The following SHISA2 variants were observed in gnomAD, a reference collection of about 807,000 sequenced individuals.
SHISA2 encodes protein shisa-2 homolog.
A neutral mutation model predicts 23.8 loss-of-function variants in SHISA2; 16 were observed. That is an observed-to-expected ratio of 0.67 (90% CI 0.46 to 1.02). SHISA2 has a LOEUF of 1.02. Ranked by LOEUF, SHISA2 falls within the 50% of genes least tolerant of loss-of-function variation. SHISA2 has a pLI of 0.00. For missense variants in SHISA2, 459 were observed against 420.1 expected, an observed-to-expected ratio of 1.09 and a Z score of -0.81; for synonymous variants, 201 against 178.6, an observed-to-expected ratio of 1.13 and a Z score of -1.00.
intron 1 of SHISA2, among the ~76,000 whole-genome samples, chr13:26,050,283 C>T (rs373232254): frequency 1.3e-5 from 2 of 152,170 alleles, no homozygotes; most frequent in African/African-American, 4.8e-5. Context: ...GGGGCGCACC[C>T]TCGCCGTCTC....
In SHISA2 at chr13:26,049,863, AACACACACAC is replaced by A. The variant is rs57979033; in HGVS notation, c.334+769_334+778del. Among the ~76,000 whole-genome samples the A allele has an allele frequency of 7.5e-3, 1,020 of 136,002 alleles. 18 individuals carry two copies. The highest frequency in any genetic ancestry group is 0.026 in the African/African-American group (917 of 35,724). 89.2% of individuals were successfully genotyped at this position (136,002 alleles called of 152,430 possible). A position where few individuals can be genotyped will look rare whatever the true frequency, so the allele number is the denominator to read the frequency against. On this transcript the variant is annotated intron_variant, in intron 1 of 1. Transcript: ENST00000319420. The stretch of plus-strand genomic sequence containing the variant: ...ACACCTCCCCTCCCCCGAAATAAAT[AACACACACAC>A]ACACACACACACACACACACACACA...
chr13:26,051,021 C>T lies in SHISA2; in HGVS notation c.-46G>A, dbSNP rs1957300347. ...CAGCGCGTCTCCAGAGAGCGCAGGA[C>T]GGTCTCCGAGAAGTCGTGGCCCCGG... is the stretch of plus-strand genomic sequence containing the variant. On this transcript the variant is annotated 5_prime_UTR_variant, in exon 1 of 2. Coordinates refer to ENST00000319420, the MANE Select transcript of SHISA2 (RefSeq NM_001007538.2). The T allele has an allele frequency of 3.5e-6, 5 of 1,434,026 alleles. No homozygotes were observed. Among genetic ancestry groups the T allele is most frequent in the Middle Eastern group, 2.5e-4 (1 of 3,954 alleles). 88.8% of individuals were successfully genotyped at this position (1,434,026 alleles called of 1,614,324 possible). A position where few individuals can be genotyped will look rare whatever the true frequency, so the allele number is the denominator to read the frequency against.
chr13:26,048,267 T>C (rs902219177), intron 1 of SHISA2, among the ~76,000 whole-genome samples: 17 of 152,104 alleles, frequency 1.1e-4, no homozygotes, highest in African/African-American at 3.9e-4. Flanking sequence ...TGTGCCACTG[T>C]ACTCCAGCCT....
rs1957255241 is a variant in SHISA2, at chr13:26,044,703, T to C, written c.*1810A>G. On this transcript the variant is annotated 3_prime_UTR_variant, in exon 2 of 2. Transcript: ENST00000319420. The stretch of plus-strand genomic sequence containing the variant: ...ACCAATTGCCAACACTGGTTTTACA[T>C]TATTCAGTCATGAAACAGAATAGAA... The C allele has an allele frequency of 6.6e-6, 1 of 152,254 alleles. No homozygotes were observed. The highest frequency in any genetic ancestry group is 2.1e-4 in the South Asian group (1 of 4,830). The allele number at this position is 152,254 out of a possible 1,614,324, so 9.4% of individuals were successfully genotyped here.
chr13:26,047,556 G>C (rs1863358670), intron 1 of SHISA2, among the ~76,000 whole-genome samples: 1 of 152,074 alleles, frequency 6.6e-6, no homozygotes, highest in Non-Finnish European at 1.5e-5. Flanking sequence ...CCATTTTTTA[G>C]CAAGTTCTTT....
Position 26,051,008 on chromosome 13 carries a change from A to G in SHISA2, c.-33T>C, listed in dbSNP as rs980701513. ...CCCTGGGCGCGGACAGCGCGTCTCC[A>G]GAGAGCGCAGGACGGTCTCCGAGAA... On this transcript the variant is annotated 5_prime_UTR_variant, in exon 1 of 2. Coordinates refer to ENST00000319420, the MANE Select transcript of SHISA2 (RefSeq NM_001007538.2). 5.4e-6 allele frequency: 8 copies of G among 1,468,426 alleles called. No homozygotes were observed. The highest frequency in any genetic ancestry group is 7.2e-6 in the Non-Finnish European group (8 of 1,118,034). The allele number at this position is 1,468,426 out of a possible 1,614,324, so 91.0% of individuals were successfully genotyped here. A position where few individuals can be genotyped will look rare whatever the true frequency, so the allele number is the denominator to read the frequency against.
rs1260920988 is a variant in SHISA2, at chr13:26,046,601, T to C, written c.800A>G (p.Asp267Gly). ...CTGCCTGTAGCCAGGCTGCAGGCCG[T>C]CCATGAAAGGTGGCACAGCTGTCAT... ...VPMTAVPPFM[D>G]GLQPGYRQIQ... Residue 267 changes from aspartate to glycine, a missense_variant, in exon 2 of 2, where the codon GAC (aspartate) becomes GGC (glycine). Transcript: ENST00000319420. The C allele has an allele frequency of 6.2e-7, 1 of 1,614,134 alleles. No homozygotes were observed. Among genetic ancestry groups the C allele is most frequent in the Admixed American group, 1.7e-5 (1 of 60,008 alleles).
rs1431712366 is a variant in SHISA2 at position 26,051,626 on chromosome 13, G to T, written c.-651C>A. 1.3e-5 allele frequency among the ~76,000 whole-genome samples: 2 copies of T among 151,954 alleles called. No individual in the cohort carries two copies. Among genetic ancestry groups the T allele is most frequent in the East Asian group, 2.0e-4 (1 of 5,110 alleles). On this transcript the variant is annotated 5_prime_UTR_variant, in exon 1 of 2. Transcript: ENST00000319420. Reference sequence around the variant, plus strand: ...CCCCGACGCTCCACTCGGCGGGGCCGACGGCCAATCTTCCCAGCACGTCGC... The same window carrying T: ...CCCCGACGCTCCACTCGGCGGGGCCTACGGCCAATCTTCCCAGCACGTCGC...
chr13:26,050,216 G>A (rs1457837926), intron 1 of SHISA2, among the ~76,000 whole-genome samples: 1 of 152,200 alleles, frequency 6.6e-6, no homozygotes, highest in Non-Finnish European at 1.5e-5. Flanking sequence ...GCCCTGAGGA[G>A]CTGCCTTCCT....
At chr13:26,048,916 A>C (rs1330172362) in intron 1 of SHISA2, among the ~76,000 whole-genome samples, 1 of 152,244 alleles carries the variant, frequency 6.6e-6, no homozygotes, top group African/African-American at 2.4e-5. Flanking sequence ...CAGTGTCTGC[A>C]GCACAGCTGG....
chr13:26,050,862 G>C lies in SHISA2; in HGVS notation c.114C>G (p.Cys38Trp). ...AAGARASGEY[C>W]HGWLDAQGVW... ...CGCCCTGCGCGTCCAGCCAGCCGTG[G>C]CAGTACTCGCCGCTGGCCCTCGCCC... Residue 38 changes from cysteine to tryptophan, a missense_variant, in exon 1 of 2, where the codon TGC becomes TGG. Physicochemically the swap from Cys to Trp is radical, Grantham distance 215 (BLOSUM62 -2). Transcript: ENST00000319420. 1 of 1,527,222 alleles carries C rather than the reference G, an allele frequency of 6.5e-7. No individual in the cohort carries two copies. The highest frequency in any genetic ancestry group is 8.7e-7 in the Non-Finnish European group (1 of 1,145,486). 94.6% of individuals were successfully genotyped at this position (1,527,222 alleles called of 1,614,324 possible).
intron 1 of SHISA2, 53 bp from the exon 2 acceptor site, chr13:26,047,119 C>T: frequency 1.4e-6 from 2 of 1,478,412 alleles, no homozygotes; most frequent in Non-Finnish European, 1.8e-6. Context: ...GAACACAGTA[C>T]CAATCGCCAA....
chr13:26,046,234 T>C lies in SHISA2; in HGVS notation c.*279A>G. ...TTATAAAATTCTTTCGTCAACCATA[T>C]CTCAAGGGCACTTCGGACTCAAGCA... On this transcript the variant is annotated 3_prime_UTR_variant, in exon 2 of 2. Transcript: ENST00000319420. 1 of 330,506 alleles carries C rather than the reference T, an allele frequency of 3.0e-6. No individual in the cohort carries two copies. The highest frequency in any genetic ancestry group is 4.3e-5 in the Admixed American group (1 of 23,028). The allele number at this position is 330,506 out of a possible 1,614,324, so 20.5% of individuals were successfully genotyped here. A position where few individuals can be genotyped will look rare whatever the true frequency, so the allele number is the denominator to read the frequency against.
intron 1 of SHISA2, 128 bp from the exon 2 acceptor site, chr13:26,047,194 A>C (rs901487226): frequency 2.9e-6 from 3 of 1,017,372 alleles, no homozygotes; most frequent in Non-Finnish European, 2.8e-6. Flanking sequence ...ACACTGGGCT[A>C]ATTTGTTCAC....
At chr13:26,050,353 G>A (rs1381013621) in intron 1 of SHISA2, among the ~76,000 whole-genome samples, 2 of 152,202 alleles carry the variant, frequency 1.3e-5, no homozygotes, top group African/African-American at 2.4e-5. Flanking sequence ...GGGGCCCGGA[G>A]GACCCTGGTC....
Position 26,046,378 on chromosome 13 carries a change from A to C in SHISA2, c.*135T>G. ...GAAATGCTAATTCGGAGATGTTTTCATACAGTCTGGGGGCAAATGAAGCCA... is the reference window on the plus strand; with the variant it reads ...GAAATGCTAATTCGGAGATGTTTTCCTACAGTCTGGGGGCAAATGAAGCCA... On this transcript the variant is annotated 3_prime_UTR_variant, in exon 2 of 2. Coordinates refer to ENST00000319420, the MANE Select transcript of SHISA2 (RefSeq NM_001007538.2). The C allele has an allele frequency of 4.6e-6, 4 of 869,680 alleles. No individual in the cohort carries two copies. Among genetic ancestry groups the C allele is most frequent in the Non-Finnish European group, 5.1e-6 (3 of 585,634 alleles). 53.9% of individuals were successfully genotyped at this position (869,680 alleles called of 1,614,324 possible). A position where few individuals can be genotyped will look rare whatever the true frequency, so the allele number is the denominator to read the frequency against.
Position 26,046,082 on chromosome 13 carries a change from TAA to T in SHISA2, c.*429_*430del, listed in dbSNP as rs56664482. On this transcript the variant is annotated 3_prime_UTR_variant, in exon 2 of 2. Transcript: ENST00000319420. ...GCAACAGAGCAAGACCCTGTCTGAT[TAA>T]AAAAAAAAAAAAAAAAAAAAAAAGT... The T allele has an allele frequency of 0.011, 730 of 68,268 alleles. 4 individuals are homozygous for T. Among genetic ancestry groups the T allele is most frequent in the Non-Finnish European group, 0.013 (517 of 38,352 alleles). 4.2% of individuals were successfully genotyped at this position (68,268 alleles called of 1,614,324 possible).
Position 26,046,025 on chromosome 13 carries a change from A to G in SHISA2, c.*488T>C, listed in dbSNP as rs1957263969. On this transcript the variant is annotated 3_prime_UTR_variant, in exon 2 of 2. Transcript: ENST00000319420. ...AATCCAGGAGGCTGAAGTTGCAGTG[A>G]GCCGAGATCGCACCACTGCACTCCA... The G allele has an allele frequency of 6.8e-6, 1 of 147,706 alleles. No homozygotes were observed. Among genetic ancestry groups the G allele is most frequent in the Admixed American group, 6.9e-5 (1 of 14,570 alleles). The allele number at this position is 147,706 out of a possible 1,614,324, so 9.1% of individuals were successfully genotyped here. A position where few individuals can be genotyped will look rare whatever the true frequency, so the allele number is the denominator to read the frequency against.
Position 26,046,305 on chromosome 13 carries a change from G to A in SHISA2, c.*208C>T, listed in dbSNP as rs551944553. The A allele has an allele frequency of 2.7e-4, 157 of 574,218 alleles. No homozygotes were observed. Among genetic ancestry groups the A allele is most frequent in the Non-Finnish European group, 4.3e-4 (145 of 336,460 alleles). The allele number at this position is 574,218 out of a possible 1,614,324, so 35.6% of individuals were successfully genotyped here. ...AACATCACAGTCATCTCCAGCTGAGGCCGGTTTTCCATCATAAATCAATGA... is the reference window on the plus strand; with the variant it reads ...AACATCACAGTCATCTCCAGCTGAGACCGGTTTTCCATCATAAATCAATGA... On this transcript the variant is annotated 3_prime_UTR_variant, in exon 2 of 2. Coordinates refer to ENST00000319420, the MANE Select transcript of SHISA2 (RefSeq NM_001007538.2).
Sources: gnomAD v4.1 joint callset for allele counts (sites outside exome capture counted in the v4.1 genomes callset) on GRCh38, gnomAD v4.1.1 for gene constraint, MANE v1.5 for transcripts, NCBI Gene and HGNC (gene_info 2026-07-23, HGNC 2026-07-21) for gene names.